Variants in ANK2 observed in about 807,000 individuals in gnomAD.
The protein encoded by ANK2 is ankyrin 2, also known as ankyrin-2.
In ANK2, 83 loss-of-function variants were observed where a neutral mutation model predicts 360.5. The observed-to-expected ratio is 0.23, with a 90% CI of 0.19 to 0.28. The LOEUF is 0.28. ANK2 is among the 10% of genes least tolerant of loss of function. ANK2 has a pLI of 1.00. For missense variants in ANK2, 4,201 were observed against 4,795.7 expected (o/e 0.88, Z 3.66); for synonymous variants, 1,740 against 1,759.5 (o/e 0.99, Z 0.28).
At chr4:112,975,938 T>C (rs756181335) in intron 2 of ANK2, among the ~76,000 whole-genome samples, 7 of 152,218 alleles carry the variant, frequency 4.6e-5, no homozygotes, top group Non-Finnish European at 7.3e-5. Context: ...TTTAATTTGT[T>C]CTTACTCAGA....
At chr4:113,307,412 C>CTTTTTT (rs56756321) in intron 23 of ANK2, among the ~76,000 whole-genome samples, 1 of 91,874 alleles carries the variant, frequency 1.1e-5, no homozygotes, top group African/African-American at 4.5e-5. Context: ...GCCATTCCAC[C>CTTTTTT]TTTTTTTTTT....
At chr4:113,153,474 A>G (rs1027359840) in intron 1 of ANK2, among the ~76,000 whole-genome samples, 1 of 152,210 alleles carries the variant, frequency 6.6e-6, no homozygotes, top group African/African-American at 2.4e-5. Flanking sequence ...AAAGAAAAAG[A>G]GTATTTTTCA....
At chr4:112,870,375 G>T (rs982479280) in intron 1 of ANK2, among the ~76,000 whole-genome samples, 1 of 152,114 alleles carries the variant, frequency 6.6e-6, no homozygotes, top group African/African-American at 2.4e-5. Flanking sequence ...AGAAACCCTT[G>T]CCTAGTTCAG....
Position 113,249,776 on chromosome 4 carries a change from C to A in ANK2, c.904C>A (p.Pro302Thr). ...ATTCTTTTGGCAGGATGGGTTGACA[C>A]CACTTCACTGTGCTGCACGAAGTGG... is the stretch of plus-strand genomic sequence containing the variant. ...IDAKTRDGLT[P>T]LHCAARSGHD... is the part of the protein sequence containing the mutation. The change falls in exon 10 of 46, where the codon CCA (proline) becomes ACA (threonine). Residue 302 changes from proline to threonine, a missense_variant. By Grantham distance (38) the Pro-to-Thr change is conservative. Coordinates refer to ENST00000357077, the MANE Select transcript of ANK2 (RefSeq NM_001148.6). The A allele has an allele frequency of 1.2e-6, 2 of 1,614,080 alleles. No individual in the cohort carries two copies. Among genetic ancestry groups the A allele is most frequent in the Non-Finnish European group, 1.7e-6 (2 of 1,180,024 alleles).
chr4:112,856,122 T>C (rs1387849897), intron 1 of ANK2, among the ~76,000 whole-genome samples: 15 of 152,124 alleles, frequency 9.9e-5, no homozygotes, highest in Admixed American at 9.8e-4. Context: ...AGATGTTTGA[T>C]TTTCTTTTGA....
intron 4 of ANK2, among the ~76,000 whole-genome samples, chr4:113,199,452 T>C (rs2098797946): frequency 6.6e-6 from 1 of 152,152 alleles, no homozygotes; most frequent in Admixed American, 6.5e-5. Flanking sequence ...GTATTCTCTT[T>C]CCGTAAATTT....
the ANK2 span, among the ~76,000 whole-genome samples, chr4:112,768,550 G>A: frequency 4.8e-3 from 733 of 151,274 alleles, 1 homozygote; most frequent in Middle Eastern, 0.068. Context: ...CACCGCACCC[G>A]GCTTTTTCAT....
chr4:113,070,052 T>C (rs796247936), intron 1 of ANK2: 23 of 152,334 alleles, frequency 1.5e-4, no homozygotes, highest in African/African-American at 5.5e-4. Flanking sequence ...CAGTGAAAAG[T>C]GGTGAAAAGA....
chr4:113,348,134 T>TA (rs1188214732), intron 35 of ANK2, 142 bp from the exon 36 acceptor site: 2 of 793,128 alleles, frequency 2.5e-6, no homozygotes, highest in Non-Finnish European at 2.1e-6. Context: ...CTGTTAGTAA[T>TA]AAAAAAAGAG....
chr4:113,168,044 T>C (rs1197867297), intron 1 of ANK2, among the ~76,000 whole-genome samples: 1 of 152,196 alleles, frequency 6.6e-6, no homozygotes, highest in Non-Finnish European at 1.5e-5. Context: ...AAAATAATCT[T>C]AATTAATGCT....
At chr4:113,072,548 CTG>C (rs1339799031) in intron 1 of ANK2, among the ~76,000 whole-genome samples, 1 of 152,154 alleles carries the variant, frequency 6.6e-6, no homozygotes, top group Non-Finnish European at 1.5e-5. Flanking sequence ...TAGAAGGAGT[CTG>C]TAACTATTTG....
At chr4:113,128,512 C>T (rs779732511) in intron 1 of ANK2, among the ~76,000 whole-genome samples, 1 of 152,028 alleles carries the variant, frequency 6.6e-6, no homozygotes, top group Non-Finnish European at 1.5e-5. Flanking sequence ...TTTTATGAGA[C>T]GAAGTCTCAC....
At chr4:113,124,675 A>G (rs1440807582) in intron 1 of ANK2, among the ~76,000 whole-genome samples, 1 of 152,138 alleles carries the variant, frequency 6.6e-6, no homozygotes, top group African/African-American at 2.4e-5. Context: ...CCTTTACTTC[A>G]TTAGCAACTT....
intron 20 of ANK2, among the ~76,000 whole-genome samples, chr4:113,288,857 A>G (rs191966350): frequency 1.1e-3 from 174 of 152,152 alleles, no homozygotes; most frequent in Non-Finnish European, 2.2e-3. Context: ...AAATACAGAC[A>G]GTCAGCCTAG....
Position 113,264,877 on chromosome 4 carries a change from CG to C in ANK2, c.1387-19del. On this transcript the variant is annotated intron_variant, in intron 13 of 45. Transcript: ENST00000357077. Reference sequence around the variant, plus strand: ...AGCGGTGGGTTAATTTATGATTTGACGATCTTTGTTCCCTGGCAGCGTGGTG... The same window carrying C: ...AGCGGTGGGTTAATTTATGATTTGACATCTTTGTTCCCTGGCAGCGTGGTG... The C allele has an allele frequency of 6.4e-7, 1 of 1,553,286 alleles. No homozygotes were observed. Among genetic ancestry groups the C allele is most frequent in the Non-Finnish European group, 8.7e-7 (1 of 1,147,618 alleles).
At chr4:112,764,185 C>T in the ANK2 span, among the ~76,000 whole-genome samples, 1,911 of 151,006 alleles carry the variant, frequency 0.013, 48 homozygotes, top group African/African-American at 0.044. Context: ...CCTTGTGATC[C>T]GCCTGCATCG....
chr4:112,828,074 CATCTG>C (rs2058793962), intron 1 of ANK2, among the ~76,000 whole-genome samples: 1 of 152,016 alleles, frequency 6.6e-6, no homozygotes, highest in African/African-American at 2.4e-5. Flanking sequence ...AACCTACAAC[CATCTG>C]ATCTTCAACA....
chr4:112,978,740 T>C (rs2042202583), intron 2 of ANK2, among the ~76,000 whole-genome samples: 1 of 152,260 alleles, frequency 6.6e-6, no homozygotes, highest in Non-Finnish European at 1.5e-5. Flanking sequence ...TTTGGGTTGT[T>C]TCCATACTGT....
chr4:112,957,748 A>C (rs1365564914), intron 2 of ANK2, among the ~76,000 whole-genome samples: 1 of 148,674 alleles, frequency 6.7e-6, no homozygotes, highest in Non-Finnish European at 1.5e-5. Flanking sequence ...GACGCTCCTC[A>C]CTTCCCAGAC....
Sources: gnomAD v4.1 joint callset for allele counts (sites outside exome capture counted in the v4.1 genomes callset) on GRCh38, gnomAD v4.1.1 for gene constraint, MANE v1.5 for transcripts, NCBI Gene and HGNC (gene_info 2026-07-23, HGNC 2026-07-21) for gene names.